DISC1: variants seen among roughly 807,000 people sequenced by gnomAD.
DISC1 encodes DISC1 scaffold protein.
In DISC1, 57 loss-of-function variants were observed where a neutral mutation model predicts 84.5. That is an observed-to-expected ratio of 0.67 (90% CI 0.55 to 0.84). The LOEUF (loss-of-function observed/expected upper bound fraction) is 0.84, where lower values mean the gene tolerates loss of function less well. DISC1 is among the 40% of genes least tolerant of loss of function. The pLI is 0.00. For missense variants in DISC1, 1,000 were observed against 1,057.8 expected, an observed-to-expected ratio of 0.95 and a Z score of 0.76; for synonymous variants, 411 against 415.2, an observed-to-expected ratio of 0.99 and a Z score of 0.12.
intron 9 of DISC1, among the ~76,000 whole-genome samples, chr1:231,949,412 C>T (rs1032474061): frequency 6.6e-6 from 1 of 152,136 alleles, no homozygotes; most frequent in African/African-American, 2.4e-5. Context: ...GGGAGTAAGG[C>T]CTGGAGTGAT....
intron 1 of DISC1, among the ~76,000 whole-genome samples, chr1:231,666,466 C>G (rs1293563269): frequency 6.6e-6 from 1 of 151,834 alleles, no homozygotes; most frequent in African/African-American, 2.4e-5. Context: ...CTCCCTGGCG[C>G]ATAAATAAAA....
intron 4 of DISC1, chr1:231,750,420 A>T: frequency 3.8e-6 from 4 of 1,061,780 alleles, no homozygotes; most frequent in Non-Finnish European, 4.6e-6. Flanking sequence ...TGATCATATT[A>T]AGCCTGTAAG....
chr1:231,941,641 T>G (rs926735945), intron 9 of DISC1, among the ~76,000 whole-genome samples: 1 of 151,972 alleles, frequency 6.6e-6, no homozygotes, highest in African/African-American at 2.4e-5. Context: ...CCCAGCTAAT[T>G]TTTGTATTTT....
intron 10 of DISC1, among the ~76,000 whole-genome samples, chr1:231,963,704 C>T (rs1042409429): frequency 3.0e-4 from 46 of 152,356 alleles, no homozygotes; most frequent in African/African-American, 1.1e-3. Context: ...CAAAACTCCT[C>T]AGACGCTGAG....
intron 9 of DISC1, among the ~76,000 whole-genome samples, chr1:231,823,902 TC>T (rs1403388817): frequency 3.3e-5 from 5 of 152,110 alleles, no homozygotes; most frequent in African/African-American, 4.8e-5. Flanking sequence ...CACAAAAAGA[TC>T]CAGTTTTTCA....
At chr1:231,647,833 A>T in intron 1 of DISC1, among the ~76,000 whole-genome samples, 1 of 151,982 alleles carries the variant, frequency 6.6e-6, no homozygotes, top group East Asian at 1.9e-4. Flanking sequence ...TGTGAATGGG[A>T]GTTTGCTCAT....
At chr1:232,034,481 G>A (rs780140726) in intron 12 of DISC1, among the ~76,000 whole-genome samples, 2 of 152,224 alleles carry the variant, frequency 1.3e-5, no homozygotes, top group Non-Finnish European at 2.9e-5. Context: ...AGCGGCTGAT[G>A]TGTTAATTTA....
intron 3 of DISC1, among the ~76,000 whole-genome samples, chr1:231,747,043 C>T (rs771646014): frequency 6.6e-6 from 1 of 152,188 alleles, no homozygotes; most frequent in South Asian, 2.1e-4. Flanking sequence ...GATCCTCCCA[C>T]CTCAGCCTCC....
chr1:231,720,513 A>C (rs957849063), intron 3 of DISC1, among the ~76,000 whole-genome samples: 1 of 151,820 alleles, frequency 6.6e-6, no homozygotes, highest in Non-Finnish European at 1.5e-5. Context: ...TAATTTTAAA[A>C]ATTTTTTATA....
chr1:231,766,326 TAATC>T lies in DISC1; in HGVS notation c.1269-811_1269-808del, dbSNP rs200119907. Among the ~76,000 whole-genome samples, 1,235 of 150,130 alleles carry T rather than the reference TAATC, an allele frequency of 8.2e-3. 9 individuals carry two copies. The highest frequency in any genetic ancestry group is 0.013 in the Non-Finnish European group (905 of 67,562). On this transcript the variant is annotated intron_variant, in intron 4 of 12. Transcript: ENST00000439617. ...AAAAAAACAAAATTAAGAAGAAAGT[TAATC>T]AAGTGAAAATTCTGCCAGGAGCTCA...
chr1:231,919,267 C>G (rs565539873), intron 9 of DISC1, among the ~76,000 whole-genome samples: 1 of 152,356 alleles, frequency 6.6e-6, no homozygotes, highest in Non-Finnish European at 1.5e-5. Context: ...TAAGCTGCTA[C>G]TCTGACTTTG....
In DISC1 at chr1:231,767,286, T is replaced by A. The variant is rs763394576; in HGVS notation, c.1398+17T>A. ...CAGCTACAGGTGAGCAGGTGAAAGA[T>A]CTTCAAGAAATATGATGGCATTTTT... On this transcript the variant is annotated intron_variant, in intron 5 of 12. Transcript: ENST00000439617. 13 of 1,613,976 alleles carry A rather than the reference T, an allele frequency of 8.1e-6. No homozygotes were observed. Among genetic ancestry groups the A allele is most frequent in the East Asian group, 2.2e-5 (1 of 44,868 alleles).
At position 231,665,049 on chromosome 1, in the gene DISC1, A is replaced by C. The variant is rs187098347; in HGVS notation, c.68-28777A>C. On this transcript the variant is annotated intron_variant, in intron 1 of 12. Coordinates refer to ENST00000439617, the MANE Select transcript of DISC1 (RefSeq NM_018662.3). ...CAAAACGTATGCAAACAGAGTGTAC[A>C]TGGCATCCTTTGCAGTGGAGAGAAA... 1.1e-4 allele frequency among the ~76,000 whole-genome samples: 16 copies of C among 152,350 alleles called. No individual in the cohort carries two copies. In the East Asian group the frequency reaches 2.7e-3, roughly 26 times the overall value.
At chr1:231,708,447 A>G (rs2067370671) in intron 3 of DISC1, among the ~76,000 whole-genome samples, 1 of 152,246 alleles carries the variant, frequency 6.6e-6, no homozygotes, top group Non-Finnish European at 1.5e-5. Context: ...TCCTCAATAG[A>G]TGAAGAGATG....
At chr1:231,692,656 G>T (rs2065186604) in intron 1 of DISC1, among the ~76,000 whole-genome samples, 2 of 152,200 alleles carry the variant, frequency 1.3e-5, no homozygotes, top group South Asian at 4.1e-4. Flanking sequence ...TTACAGCTGT[G>T]CCTAGTGCTG....
rs1359168774 is a variant in DISC1 at position 231,818,390 on chromosome 1, A to C, written c.1854A>C (p.Arg618Ser). ...TEEIRSLTSE[R>S]EGLEGLLSKL... Reference sequence around the variant, plus strand: ...AGATTAGATCATTAACATCAGAGAGAGAAGGGCTGGAGGGACTCCTCAGCA... The same window carrying C: ...AGATTAGATCATTAACATCAGAGAGCGAAGGGCTGGAGGGACTCCTCAGCA... Residue 618 changes from arginine (R) to serine (S), a missense_variant, in exon 9 of 13, where the codon AGA (arginine) becomes AGC (serine). Around this residue, in one of 3 missense-constraint regions of DISC1, gnomAD observed 397 missense variants for 377.5 expected, o/e 1.05. Coordinates refer to ENST00000439617, the MANE Select transcript of DISC1 (RefSeq NM_018662.3). 2 of 1,614,112 alleles carry C rather than the reference A, an allele frequency of 1.2e-6. No individual in the cohort carries two copies. Among genetic ancestry groups the C allele is most frequent in the Admixed American group, 3.3e-5 (2 of 60,010 alleles).
intron 1 of DISC1, among the ~76,000 whole-genome samples, chr1:231,657,697 A>T (rs534219054): frequency 6.6e-6 from 1 of 152,148 alleles, no homozygotes; most frequent in African/African-American, 2.4e-5. Flanking sequence ...TTTTCTGCAT[A>T]TGGCTAGCCA....
chr1:231,897,470 A>G lies in DISC1; in HGVS notation c.1982-61358A>G, dbSNP rs139763057. Reference sequence around the variant, plus strand: ...CAGTTATCATTTATGGAACAAGGCCAAAATATTTCTTTCACACATACAGCG... The same window carrying G: ...CAGTTATCATTTATGGAACAAGGCCGAAATATTTCTTTCACACATACAGCG... On this transcript the variant is annotated intron_variant, in intron 9 of 12. Transcript: ENST00000439617. The surrounding 1 kb of genome is among the most constrained non-coding windows in gnomAD (Gnocchi z 4.5). Among the ~76,000 whole-genome samples, 1 of 152,282 alleles carries G rather than the reference A, an allele frequency of 6.6e-6. No homozygotes were observed. Among genetic ancestry groups the G allele is most frequent in the East Asian group, 1.9e-4 (1 of 5,186 alleles).
intron 9 of DISC1, among the ~76,000 whole-genome samples, chr1:231,841,981 G>A (rs2083101619): frequency 6.6e-6 from 1 of 152,072 alleles, no homozygotes; most frequent in South Asian, 2.1e-4. Context: ...TAGCCTCTGT[G>A]CCAGTTTTTC....
Sources: allele counts gnomAD v4.1 joint callset (sites outside exome capture counted in the v4.1 genomes callset), GRCh38; gene constraint gnomAD v4.1.1; regional missense constraint gnomAD v4.1.1; non-coding constraint Gnocchi (gnomAD v3.1); transcripts MANE v1.5; gene names NCBI Gene and HGNC (gene_info 2026-07-23, HGNC 2026-07-21).